PSMD14: variants seen among roughly 807,000 people sequenced by gnomAD.
PSMD14 encodes proteasome 26S subunit, non-ATPase 14.
In PSMD14, 7 loss-of-function variants were observed where a neutral mutation model predicts 41.2. That is an observed-to-expected ratio of 0.17 (90% CI 0.10 to 0.32). The LOEUF is 0.32. Ranked by LOEUF, PSMD14 falls within the 10% of genes least tolerant of loss-of-function variation. The probability of loss-of-function intolerance (pLI) is 1.00; values close to 1 mark genes in which losing one functional copy is unlikely to be tolerated. For missense variants in PSMD14, 139 were observed against 375.6 expected (o/e 0.37, Z 5.21); for synonymous variants, 114 against 122.3 (o/e 0.93, Z 0.45).
Position 161,318,818 on chromosome 2 carries a change from C to G in PSMD14, c.-4-4C>G. On this transcript the variant is annotated splice_polypyrimidine_tract_variant and splice_region_variant and intron_variant, in intron 2 of 11. Transcript: ENST00000409682. ...AACGTTTTTTCTTTGTTTCTGTTTT[C>G]TAGAAATATGGACAGACTTCTTAGA... 6.2e-7 allele frequency: 1 copy of G among 1,612,080 alleles called. No homozygotes were observed.
chr2:161,345,019 T>C (rs1185853828), intron 3 of PSMD14, among the ~76,000 whole-genome samples: 1 of 152,158 alleles, frequency 6.6e-6, no homozygotes, highest in East Asian at 1.9e-4. Context: ...TTGTTTTATC[T>C]CTTATATTGA....
At chr2:161,398,222 C>A (rs563607860) in intron 10 of PSMD14, among the ~76,000 whole-genome samples, 1 of 152,014 alleles carries the variant, frequency 6.6e-6, no homozygotes, top group Non-Finnish European at 1.5e-5. Flanking sequence ...GAAAGAAATA[C>A]GGTGGGTTTT....
intron 7 of PSMD14, among the ~76,000 whole-genome samples, chr2:161,376,106 C>CAT (rs747297170): frequency 0.013 from 1,870 of 146,434 alleles, 16 homozygotes; most frequent in African/African-American, 0.013. Context: ...TATATATATA[C>CAT]ATATATATAT....
intron 7 of PSMD14, chr2:161,383,748 A>C (rs562036548): frequency 6.6e-6 from 1 of 151,746 alleles, no homozygotes; most frequent in African/African-American, 2.4e-5. Context: ...TTTACTGTTA[A>C]CAGTTAGGGT....
At chr2:161,386,658 C>G (rs549421885) in intron 8 of PSMD14, among the ~76,000 whole-genome samples, 2 of 151,782 alleles carry the variant, frequency 1.3e-5, no homozygotes, top group Non-Finnish European at 2.9e-5. Flanking sequence ...CCTGTACTTG[C>G]ATGTTCCAAG....
chr2:161,386,894 C>T (rs1474800402), intron 8 of PSMD14, among the ~76,000 whole-genome samples: 1 of 151,842 alleles, frequency 6.6e-6, no homozygotes, highest in Non-Finnish European at 1.5e-5. Flanking sequence ...GCTTTTTAAC[C>T]TTAAAAATCG....
At chr2:161,403,468 A>T (rs1683908813) in intron 10 of PSMD14, among the ~76,000 whole-genome samples, 2 of 152,284 alleles carry the variant, frequency 1.3e-5, no homozygotes, top group Admixed American at 1.3e-4. Flanking sequence ...AATACAGGTG[A>T]TTGGGGCACT....
At chr2:161,397,724 A>G (rs1256790345) in intron 10 of PSMD14, among the ~76,000 whole-genome samples, 1 of 152,214 alleles carries the variant, frequency 6.6e-6, no homozygotes, top group Admixed American at 6.5e-5. Context: ...AATAAAGTTG[A>G]TGGGCCCATA....
chr2:161,339,215 C>T lies in PSMD14; in HGVS notation c.48+20342C>T, dbSNP rs536615841. ...TATGTTTAACTTCTTCAAAAACTGC[C>T]AAATTGTTTTTCAGATTGGTTGTAT... On this transcript the variant is annotated intron_variant, in intron 3 of 11. Transcript: ENST00000409682. Among the ~76,000 whole-genome samples, 5 of 152,170 alleles carry T rather than the reference C, an allele frequency of 3.3e-5. No individual in the cohort carries two copies. The South Asian group carries it at 1.0e-3, about 31-fold the overall frequency.
intron 3 of PSMD14, among the ~76,000 whole-genome samples, chr2:161,327,946 CTGTGTGTGTGTGTGTGTG>C (rs369674882): frequency 3.4e-5 from 4 of 117,116 alleles, no homozygotes; most frequent in South Asian, 6.4e-4. Flanking sequence ...CTCATGTAAG[CTGTGTGTGTGTGTGTGTG>C]TGTGTGTGTG....
At chr2:161,377,329 C>G (rs1198993621) in intron 7 of PSMD14, among the ~76,000 whole-genome samples, 1 of 151,776 alleles carries the variant, frequency 6.6e-6, no homozygotes, top group Admixed American at 6.6e-5. Flanking sequence ...ATGAGCATAC[C>G]CTTCCAAGGT....
intron 3 of PSMD14, among the ~76,000 whole-genome samples, chr2:161,365,802 A>G (rs1162546846): frequency 6.6e-6 from 1 of 152,148 alleles, no homozygotes; most frequent in Non-Finnish European, 1.5e-5. Flanking sequence ...TGTGCTGAGA[A>G]CATTTAAAGT....
intron 3 of PSMD14, among the ~76,000 whole-genome samples, chr2:161,324,897 A>T (rs935772583): frequency 6.6e-6 from 1 of 152,198 alleles, no homozygotes; most frequent in African/African-American, 2.4e-5. Context: ...ATTGGTTAAT[A>T]GGTCACTTTT....
chr2:161,392,780 C>T (rs1197343058), intron 9 of PSMD14, among the ~76,000 whole-genome samples: 1 of 151,982 alleles, frequency 6.6e-6, no homozygotes, highest in African/African-American at 2.4e-5. Flanking sequence ...ATTTTTAACA[C>T]TTATTTTTAA....
intron 3 of PSMD14, among the ~76,000 whole-genome samples, chr2:161,358,631 T>C (rs184515451): frequency 1.2e-3 from 177 of 152,276 alleles, no homozygotes; most frequent in African/African-American, 4.1e-3. Context: ...CATACGTTTT[T>C]CTCCTTAAGT....
intron 3 of PSMD14, among the ~76,000 whole-genome samples, chr2:161,364,490 C>A (rs908623196): frequency 3.9e-5 from 6 of 152,116 alleles, no homozygotes; most frequent in Non-Finnish European, 8.8e-5. Context: ...AGGGGCCACA[C>A]CCTCCTCTAC....
At chr2:161,343,421 T>C (rs115718046) in intron 3 of PSMD14, among the ~76,000 whole-genome samples, 6 of 152,410 alleles carry the variant, frequency 3.9e-5, no homozygotes, top group Non-Finnish European at 7.3e-5. Flanking sequence ...TAATATTCCA[T>C]TGTATGTATG....
At chr2:161,311,990 C>T (rs1302740678) in intron 1 of PSMD14, among the ~76,000 whole-genome samples, 1 of 152,064 alleles carries the variant, frequency 6.6e-6, no homozygotes, top group Non-Finnish European at 1.5e-5. Flanking sequence ...AATGTTGACT[C>T]ACTCACGATC....
intron 5 of PSMD14, among the ~76,000 whole-genome samples, 199 bp from the exon 6 acceptor site, chr2:161,369,908 C>G (rs939447956): frequency 1.3e-5 from 2 of 151,922 alleles, no homozygotes; most frequent in African/African-American, 2.4e-5. Flanking sequence ...GGGCTTAACT[C>G]GATCGCCAAC....
Sources: gnomAD v4.1 joint callset for allele counts (sites outside exome capture counted in the v4.1 genomes callset) on GRCh38, gnomAD v4.1.1 for gene constraint, MANE v1.5 for transcripts, NCBI Gene and HGNC (gene_info 2026-07-23, HGNC 2026-07-21) for gene names.